The following BIN1 variants were observed in gnomAD, a reference collection of about 807,000 sequenced individuals.
BIN1 encodes the protein bridging integrator 1.
A neutral mutation model predicts 82.0 loss-of-function variants in BIN1; 53 were observed. That is an observed-to-expected ratio of 0.65 (90% CI 0.52 to 0.81). BIN1 has a LOEUF of 0.81. BIN1 is among the 40% of genes least tolerant of loss of function. The pLI is 0.00. For missense variants in BIN1, 642 were observed against 784.4 expected, an observed-to-expected ratio of 0.82 and a Z score of 2.17; for synonymous variants, 302 against 328.0, an observed-to-expected ratio of 0.92 and a Z score of 0.86.
intron 1 of BIN1, among the ~76,000 whole-genome samples, chr2:127,077,247 G>T (rs937321467): frequency 2.0e-5 from 3 of 152,044 alleles, no homozygotes; most frequent in Admixed American, 6.5e-5. Context: ...CGGGGGCCAC[G>T]CAGAGTCTGC....
intron 14 of BIN1, 185 bp from the exon 15 acceptor site, chr2:127,052,547 G>T: frequency 1.6e-6 from 1 of 607,392 alleles, no homozygotes; most frequent in Non-Finnish European, 2.9e-6. Flanking sequence ...CACTGTCAAA[G>T]GGACAGGCAG....
At chr2:127,052,189 C>T in intron 15 of BIN1, 66 bp downstream of exon 15, 1 of 1,492,106 alleles carries the variant, frequency 6.7e-7, no homozygotes, top group African/African-American at 1.4e-5. Context: ...CCTCGGGGCT[C>T]TCCTTCCATG....
At chr2:127,055,661 C>T (rs1442908677) in intron 12 of BIN1, 1 of 152,214 alleles carries the variant, frequency 6.6e-6, no homozygotes, top group African/African-American at 2.4e-5. Flanking sequence ...TCAGCCAACC[C>T]AGGCAGCAAT....
intron 1 of BIN1, among the ~76,000 whole-genome samples, chr2:127,099,654 C>T (rs1321286946): frequency 6.6e-6 from 1 of 152,050 alleles, no homozygotes; most frequent in African/African-American, 2.4e-5. Flanking sequence ...GCTGGGATTA[C>T]AGGCGCATGC....
rs765816262 is a variant in BIN1 at position 127,051,172 on chromosome 2, C to T, written c.1443G>A (p.Ala481=). ...AAGAQEPGET[A]ASEAASSSLP... ...GTCTTACGGAGGCTGCTTCACTTGC[C>T]GCCGTCTCCCCTGGCTCCTGGGCTC... Residue 481 remains alanine, a synonymous_variant, in exon 16 of 19, where the codon GCG becomes GCA. Transcript: ENST00000316724. The T allele has an allele frequency of 2.4e-5, 38 of 1,613,406 alleles. No homozygotes were observed. Among genetic ancestry groups the T allele is most frequent in the Non-Finnish European group, 2.9e-5 (34 of 1,179,936 alleles).
rs3768858 is a variant in BIN1 at position 127,069,257 on chromosome 2, G to A, written c.412-226C>T. Among the ~76,000 whole-genome samples the A allele has an allele frequency of 0.16, 23,855 of 152,178 alleles. 2,221 individuals carry two copies. The highest frequency in any genetic ancestry group is 0.27 in the East Asian group (1,381 of 5,148). ...TCCTTGCACATGAGCCCATGTGTCC[G>A]TGTCCACCAGCTGGTGACGTGTCAG... On this transcript the variant is annotated intron_variant, in intron 5 of 18. Coordinates refer to ENST00000316724, the MANE Select transcript of BIN1 (RefSeq NM_139343.3).
rs1252914355 is a variant in BIN1, at chr2:127,107,041, C to T, written c.-98G>A. On this transcript the variant is annotated 5_prime_UTR_variant, in exon 1 of 19. Coordinates refer to ENST00000316724, the MANE Select transcript of BIN1 (RefSeq NM_139343.3). The surrounding 1 kb of genome is among the most constrained non-coding windows in gnomAD (Gnocchi z 5.9). ...CCCAGCCCCGGCCGCGCGTCCAGAC[C>T]GGCTGCCGCTCCACGCCGCGCACCC... The T allele has an allele frequency of 3.2e-6, 4 of 1,240,916 alleles. No individual in the cohort carries two copies. The African/African-American group carries it at 4.8e-5, about 15-fold the overall frequency. The allele number at this position is 1,240,916 out of a possible 1,614,324, so 76.9% of individuals were successfully genotyped here.
chr2:127,084,348 G>A (rs1250718335), intron 1 of BIN1, among the ~76,000 whole-genome samples: 2 of 152,190 alleles, frequency 1.3e-5, no homozygotes, highest in Non-Finnish European at 2.9e-5. Context: ...TGAGGATATC[G>A]TGAGTCCTTC....
chr2:127,065,328 T>C (rs1388319260), intron 7 of BIN1, among the ~76,000 whole-genome samples: 1 of 152,114 alleles, frequency 6.6e-6, no homozygotes, highest in African/African-American at 2.4e-5. Flanking sequence ...AGAATGTCTA[T>C]TCCAACATGC....
In BIN1 at chr2:127,106,761, G is replaced by A. The variant is rs992277891; in HGVS notation, c.84+99C>T. On this transcript the variant is annotated intron_variant, in intron 1 of 18. Coordinates refer to ENST00000316724, the MANE Select transcript of BIN1 (RefSeq NM_139343.3). ...CTAGAGGTGACAGCACCAGATCCTG[G>A]CGAAGGACCAGGCCCCGGGGTCGGA... 6.3e-6 allele frequency: 9 copies of A among 1,435,680 alleles called. No individual in the cohort carries two copies. The Admixed American group carries it at 8.2e-5, about 13-fold the overall frequency. The allele number at this position is 1,435,680 out of a possible 1,614,324, so 88.9% of individuals were successfully genotyped here.
intron 1 of BIN1, among the ~76,000 whole-genome samples, chr2:127,106,388 G>A (rs1681128690): frequency 6.6e-6 from 1 of 152,232 alleles, no homozygotes; most frequent in African/African-American, 2.4e-5. Context: ...AAGCAGCCTT[G>A]GGAGTCCGGG....
intron 1 of BIN1, among the ~76,000 whole-genome samples, chr2:127,102,355 G>A (rs1198029352): frequency 6.6e-6 from 1 of 152,202 alleles, no homozygotes; most frequent in Non-Finnish European, 1.5e-5. Flanking sequence ...CTTGAAGAGG[G>A]CGCAGAGAGT....
chr2:127,069,138 C>T (rs1685531660), intron 5 of BIN1, 107 bp from the exon 6 acceptor site: 3 of 1,006,784 alleles, frequency 3.0e-6, no homozygotes, highest in Admixed American at 2.0e-5. Flanking sequence ...GACCCCAGCT[C>T]CACAGGAACC....
Position 127,064,033 on chromosome 2 carries a change from G to C in BIN1, c.613-15C>G. The C allele has an allele frequency of 6.2e-7, 1 of 1,613,668 alleles. No individual in the cohort carries two copies. The highest frequency in any genetic ancestry group is 8.5e-7 in the Non-Finnish European group (1 of 1,179,940). On this transcript the variant is annotated splice_polypyrimidine_tract_variant and intron_variant, in intron 7 of 18. Coordinates refer to ENST00000316724, the MANE Select transcript of BIN1 (RefSeq NM_139343.3). ...TCCTCCTCGGCCTGGGGGGCAGCAC[G>C]GGTCATTCCCCTCTGTTGGGCGTCC...
chr2:127,084,641 A>G (rs1215913772), intron 1 of BIN1, among the ~76,000 whole-genome samples: 3 of 152,256 alleles, frequency 2.0e-5, no homozygotes, highest in Non-Finnish European at 4.4e-5. Context: ...GAGATAAGAA[A>G]GGAAAGGCTG....
chr2:127,067,417 G>T lies in BIN1; in HGVS notation c.612+746C>A, dbSNP rs1471037598. 6.6e-6 allele frequency among the ~76,000 whole-genome samples: 1 copy of T among 152,234 alleles called. No individual in the cohort carries two copies. The highest frequency in any genetic ancestry group is 2.4e-5 in the African/African-American group (1 of 41,462). The stretch of plus-strand genomic sequence containing the variant: ...CATTTGGAGGGCAGGGGGCTGAGAA[G>T]ACCATAGCCTCTATGGCCAGGATGG... On this transcript the variant is annotated intron_variant, in intron 7 of 18. Coordinates refer to ENST00000316724, the MANE Select transcript of BIN1 (RefSeq NM_139343.3). The surrounding 1 kb of genome is among the most constrained non-coding windows in gnomAD (Gnocchi z 4.7).
rs747982957 is a variant in BIN1, at chr2:127,053,464, G to A, written c.1240-19C>T. ...GAATTGACTGAGCGCAGCAGTGAGG[G>A]CGAGAAGGACAGTTAGCACAGAGGT... On this transcript the variant is annotated intron_variant, in intron 13 of 18. Coordinates refer to ENST00000316724, the MANE Select transcript of BIN1 (RefSeq NM_139343.3). 18 of 1,613,600 alleles carry A rather than the reference G, an allele frequency of 1.1e-5. No homozygotes were observed. The South Asian group carries it at 2.0e-4, about 18-fold the overall frequency.
At chr2:127,063,083 G>T (rs1684707122) in intron 9 of BIN1, among the ~76,000 whole-genome samples, 1 of 152,222 alleles carries the variant, frequency 6.6e-6, no homozygotes, top group Non-Finnish European at 1.5e-5. Flanking sequence ...AGGTTAAAAT[G>T]AAAATAACAC....
chr2:127,068,796 G>A lies in BIN1; in HGVS notation c.519+128C>T, dbSNP rs1171367482. The A allele has an allele frequency of 3.3e-6, 3 of 897,320 alleles. No homozygotes were observed. Among genetic ancestry groups the A allele is most frequent in the East Asian group, 5.1e-5 (2 of 39,138 alleles). 55.6% of individuals were successfully genotyped at this position (897,320 alleles called of 1,614,324 possible). ...CCTCTCACTCACCGGCCTGGGCCCT[G>A]TATCGTCCCCACCCCCAGTTCAGCC... On this transcript the variant is annotated intron_variant, in intron 6 of 18. Coordinates refer to ENST00000316724, the MANE Select transcript of BIN1 (RefSeq NM_139343.3). This position sits in a 1 kb window ranked among gnomAD's most constrained non-coding sequence, Gnocchi z 4.9.
Sources: gnomAD v4.1 joint callset for allele counts (sites outside exome capture counted in the v4.1 genomes callset) on GRCh38, gnomAD v4.1.1 for gene constraint, Gnocchi (gnomAD v3.1) non-coding constraint, MANE v1.5 for transcripts, NCBI Gene and HGNC (gene_info 2026-07-23, HGNC 2026-07-21) for gene names.